The following XRCC5 variants were observed in gnomAD, a reference collection of about 807,000 sequenced individuals.
XRCC5 encodes DNA repair protein Ku80.
Under a neutral mutation model 95.7 loss-of-function variants are expected in XRCC5, and 12 were observed. That is an observed-to-expected ratio of 0.13 (90% CI 0.08 to 0.20). The LOEUF is 0.20. Among genes scored for constraint, XRCC5 ranks in the 10% least tolerant of loss-of-function variants. The pLI, the probability that XRCC5 is intolerant of heterozygous loss-of-function variation, is 1.00. For synonymous variants in XRCC5, 281 were observed against 290.3 expected (o/e 0.97, Z 0.33); for missense variants, 595 against 873.9 (o/e 0.68, Z 4.02).
intron 16 of XRCC5, among the ~76,000 whole-genome samples, chr2:216,169,950 A>T (rs1384021716): frequency 6.8e-6 from 1 of 147,994 alleles, no homozygotes; most frequent in African/African-American, 2.5e-5. Flanking sequence ...GAGGCAGGAA[A>T]ATTGCTTGAA....
intron 14 of XRCC5, among the ~76,000 whole-genome samples, chr2:216,156,065 C>T (rs1044718094): frequency 6.6e-6 from 1 of 152,206 alleles, no homozygotes; most frequent in Non-Finnish European, 1.5e-5. Flanking sequence ...TGACAAAGTG[C>T]TCAGTCAACC....
At chr2:216,145,966 A>G (rs1283255905) in intron 13 of XRCC5, among the ~76,000 whole-genome samples, 4 of 152,196 alleles carry the variant, frequency 2.6e-5, no homozygotes, top group African/African-American at 9.6e-5. Flanking sequence ...TATTTTAATG[A>G]ACCAAGGGAG....
At position 216,112,335 on chromosome 2, in the gene XRCC5, T is replaced by TCACCGCTCTGGTATCCCCTC. The variant is rs1246594345; in HGVS notation, c.22-676_22-657dup. Among the ~76,000 whole-genome samples, 1,118 of 152,310 alleles carry TCACCGCTCTGGTATCCCCTC rather than the reference T, an allele frequency of 7.3e-3. 9 individuals carry two copies. The highest frequency in any genetic ancestry group is 0.026 in the African/African-American group (1,062 of 41,562). On this transcript the variant is annotated intron_variant, in intron 1 of 20. Coordinates refer to ENST00000392132, the MANE Select transcript of XRCC5 (RefSeq NM_021141.4). ...CATTCAGGAAGCCTTTTCTGCCCCT[T>TCACCGCTCTGGTATCCCCTC]CACCGCTCTGGTATCCCCTCCACCA...
intron 16 of XRCC5, among the ~76,000 whole-genome samples, chr2:216,177,909 A>G (rs1455734761): frequency 1.3e-5 from 2 of 152,326 alleles, no homozygotes; most frequent in East Asian, 1.9e-4. Flanking sequence ...TTTTAAATGT[A>G]TGGGATTGTA....
chr2:216,109,711 C>T (rs760358930), intron 1 of XRCC5, among the ~76,000 whole-genome samples: 1 of 149,582 alleles, frequency 6.7e-6, no homozygotes, highest in Non-Finnish European at 1.5e-5. Flanking sequence ...TCCCTCTTCT[C>T]CCTCTCTACC....
intron 17 of XRCC5, among the ~76,000 whole-genome samples, chr2:216,191,989 T>G (rs1689622521): frequency 6.6e-6 from 1 of 152,116 alleles, no homozygotes; most frequent in Admixed American, 6.6e-5. Context: ...GGTTGATAAT[T>G]ATTTCTTTAT....
At chr2:216,186,875 A>G (rs1165278546) in intron 16 of XRCC5, among the ~76,000 whole-genome samples, 2 of 151,712 alleles carry the variant, frequency 1.3e-5, no homozygotes, top group Non-Finnish European at 2.9e-5. Flanking sequence ...GCCAAATATT[A>G]TAGAATATTA....
intron 14 of XRCC5, among the ~76,000 whole-genome samples, chr2:216,152,080 G>T (rs555965043): frequency 1.3e-5 from 2 of 152,120 alleles, no homozygotes; most frequent in African/African-American, 4.8e-5. Context: ...TGAGGGAACC[G>T]CCCCCATAAT....
At chr2:216,187,320 A>G (rs567580509) in intron 16 of XRCC5, among the ~76,000 whole-genome samples, 1 of 152,172 alleles carries the variant, frequency 6.6e-6, no homozygotes, top group African/African-American at 2.4e-5. Context: ...TTACAAAGAA[A>G]CTGGGTATTG....
At chr2:216,167,335 C>A (rs1689069438) in intron 16 of XRCC5, among the ~76,000 whole-genome samples, 1 of 152,048 alleles carries the variant, frequency 6.6e-6, no homozygotes, top group Non-Finnish European at 1.5e-5. Flanking sequence ...TCCTAAAATT[C>A]ACTTTTTCCA....
intron 12 of XRCC5, among the ~76,000 whole-genome samples, chr2:216,139,656 G>A (rs1697143703): frequency 6.6e-6 from 1 of 151,990 alleles, no homozygotes; most frequent in Non-Finnish European, 1.5e-5. Flanking sequence ...ACAGGTACGC[G>A]CCACCGTGGC....
intron 16 of XRCC5, among the ~76,000 whole-genome samples, chr2:216,170,508 GAC>G (rs967124535): frequency 6.8e-6 from 1 of 146,272 alleles, no homozygotes; most frequent in African/African-American, 2.6e-5. Flanking sequence ...GAGAGAGAGA[GAC>G]ACTTTTAAAC....
chr2:216,159,564 G>A (rs918520796), intron 14 of XRCC5, among the ~76,000 whole-genome samples: 22 of 152,124 alleles, frequency 1.4e-4, no homozygotes, highest in African/African-American at 5.1e-4. Context: ...GGATTGTCTA[G>A]TAAGTTTTGA....
intron 14 of XRCC5, among the ~76,000 whole-genome samples, chr2:216,149,970 G>A (rs553352605): frequency 1.3e-5 from 2 of 152,286 alleles, no homozygotes; most frequent in South Asian, 4.1e-4. Flanking sequence ...TAGTTTTTAA[G>A]AATTGTGGAA....
At chr2:216,142,332 G>A (rs1318846267) in intron 13 of XRCC5, among the ~76,000 whole-genome samples, 1 of 152,110 alleles carries the variant, frequency 6.6e-6, no homozygotes, top group African/African-American at 2.4e-5. Context: ...ATTAAAGGGA[G>A]CATAGGGGTC....
At chr2:216,181,726 C>T (rs767093784) in intron 16 of XRCC5, among the ~76,000 whole-genome samples, 10 of 152,064 alleles carry the variant, frequency 6.6e-5, no homozygotes, top group Non-Finnish European at 1.0e-4. Context: ...GTTTTCATTG[C>T]GACTTTAATA....
intron 13 of XRCC5, among the ~76,000 whole-genome samples, chr2:216,141,996 G>A (rs1697180348): frequency 1.3e-5 from 2 of 152,018 alleles, no homozygotes; most frequent in South Asian, 2.1e-4. Flanking sequence ...GGAGAGTGGA[G>A]TTAGCCGAGA....
At chr2:216,205,043 C>G in intron 20 of XRCC5, 145 bp from the exon 21 acceptor site, 2 of 936,518 alleles carry the variant, frequency 2.1e-6, no homozygotes, top group Non-Finnish European at 3.4e-6. Context: ...ATGTTTAACT[C>G]CTAAAATAAT....
At chr2:216,204,972 C>T (rs1340158158) in intron 20 of XRCC5, among the ~76,000 whole-genome samples, 1 of 152,164 alleles carries the variant, frequency 6.6e-6, no homozygotes. Context: ...ACAAACACTA[C>T]GTACTATGAT....
Sources: gnomAD v4.1 joint callset for allele counts (sites outside exome capture counted in the v4.1 genomes callset) on GRCh38, gnomAD v4.1.1 for gene constraint, MANE v1.5 for transcripts, NCBI Gene and HGNC (gene_info 2026-07-23, HGNC 2026-07-21) for gene names.